Variants in PPA2 observed in about 807,000 individuals in gnomAD.
PPA2 encodes the protein inorganic pyrophosphatase 2.
PPA2 carries 48 observed loss-of-function variants against 49.5 expected under a neutral mutation model. The observed-to-expected ratio is 0.97, with a 90% CI of 0.77 to 1.23. The LOEUF is 1.23. PPA2 is among the 50% of genes most tolerant of loss of function. The probability of loss-of-function intolerance (pLI) is 0.00; values close to 1 mark genes in which losing one functional copy is unlikely to be tolerated. For missense variants in PPA2, 429 were observed against 410.1 expected (o/e 1.05, Z -0.40); for synonymous variants, 131 against 139.9 (o/e 0.94, Z 0.45).
At chr4:105,410,423 C>T (rs1339569866) in intron 7 of PPA2, among the ~76,000 whole-genome samples, 3 of 152,020 alleles carry the variant, frequency 2.0e-5, no homozygotes, top group African/African-American at 7.2e-5. Context: ...GTGAAAAGAC[C>T]AAATCTACGT....
chr4:105,456,678 T>C lies in PPA2; in HGVS notation c.222+3A>G. The stretch of plus-strand genomic sequence containing the variant: ...TCATTCCCAAAACAAGTCAAAACAA[T>C]ACCTCTTTAGAGTTCACCTTCAGAG... On this transcript the variant is annotated splice_donor_region_variant and intron_variant, in intron 2 of 11. Transcript: ENST00000341695. The C allele has an allele frequency of 6.3e-7, 1 of 1,593,998 alleles. No individual in the cohort carries two copies. Among genetic ancestry groups the C allele is most frequent in the Admixed American group, 1.7e-5 (1 of 57,836 alleles).
intron 10 of PPA2, among the ~76,000 whole-genome samples, chr4:105,374,982 G>C (rs989642521): frequency 6.6e-6 from 1 of 151,318 alleles, no homozygotes; most frequent in African/African-American, 2.4e-5. Context: ...GTGAGCCACT[G>C]TGCCCAGCCG....
chr4:105,458,415 C>T (rs1010128490), intron 1 of PPA2, among the ~76,000 whole-genome samples: 2 of 152,172 alleles, frequency 1.3e-5, no homozygotes, highest in South Asian at 2.1e-4. Context: ...AACTGGGGTG[C>T]GGAGTATGCT....
chr4:105,371,637 T>A (rs1359530984), intron 10 of PPA2, among the ~76,000 whole-genome samples: 1 of 152,184 alleles, frequency 6.6e-6, no homozygotes, highest in Admixed American at 6.5e-5. Context: ...ATTCTCTGAA[T>A]TTGCTGACCT....
chr4:105,371,967 A>G (rs917477441), intron 10 of PPA2, among the ~76,000 whole-genome samples: 3 of 152,146 alleles, frequency 2.0e-5, no homozygotes, highest in Non-Finnish European at 2.9e-5. Flanking sequence ...GCACATGGGT[A>G]ATAATTTAGT....
chr4:105,439,233 A>T (rs1158352257), intron 5 of PPA2, among the ~76,000 whole-genome samples: 1 of 152,208 alleles, frequency 6.6e-6, no homozygotes, highest in Non-Finnish European at 1.5e-5. Flanking sequence ...AAGTAAATTG[A>T]AACACAGAGT....
intron 9 of PPA2, among the ~76,000 whole-genome samples, chr4:105,392,440 A>T (rs1733962587): frequency 6.6e-6 from 1 of 152,138 alleles, no homozygotes; most frequent in Admixed American, 6.5e-5. Flanking sequence ...TGGGAGGCTG[A>T]GGTGCGTGGA....
chr4:105,382,427 T>G (rs2110369901), intron 10 of PPA2, among the ~76,000 whole-genome samples: 1 of 152,298 alleles, frequency 6.6e-6, no homozygotes. Context: ...AATATTTAAC[T>G]AAAGGGTCCT....
At chr4:105,385,176 C>T (rs571172475) in intron 10 of PPA2, among the ~76,000 whole-genome samples, 21 of 152,154 alleles carry the variant, frequency 1.4e-4, no homozygotes, top group Non-Finnish European at 2.8e-4. Flanking sequence ...AACTCCCATC[C>T]CACTTCTGGC....
intron 5 of PPA2, among the ~76,000 whole-genome samples, chr4:105,443,607 AC>A (rs1226291485): frequency 1.0e-5 from 1 of 96,068 alleles, no homozygotes; most frequent in African/African-American, 3.2e-5. Flanking sequence ...ACACACACAC[AC>A]ACACACACAC....
chr4:105,467,143 G>C lies in PPA2; in HGVS notation c.157+6751C>G, dbSNP rs1723337455. ...GCCTGTCATTCCTGGTGTGTGTTGA[G>C]GGAGGGGAGCCCTCTTCTGCCCTGC... On this transcript the variant is annotated intron_variant, in intron 1 of 11. Coordinates refer to ENST00000341695, the MANE Select transcript of PPA2 (RefSeq NM_176869.3). Among the ~76,000 whole-genome samples, 3 of 152,118 alleles carry C rather than the reference G, an allele frequency of 2.0e-5. No individual in the cohort carries two copies. The South Asian group carries it at 6.2e-4, about 31-fold the overall frequency.
intron 7 of PPA2, among the ~76,000 whole-genome samples, chr4:105,403,289 C>T (rs1347668184): frequency 6.6e-6 from 1 of 152,128 alleles, no homozygotes; most frequent in Non-Finnish European, 1.5e-5. Context: ...CAGTGTTCCT[C>T]CTGCCTTGGC....
intron 1 of PPA2, among the ~76,000 whole-genome samples, chr4:105,462,844 G>A (rs942920749): frequency 2.0e-5 from 3 of 152,114 alleles, no homozygotes; most frequent in Admixed American, 6.5e-5. Context: ...ACAAGCTCTC[G>A]TCTGCCACCA....
At chr4:105,384,240 T>G (rs1446532702) in intron 10 of PPA2, among the ~76,000 whole-genome samples, 1 of 152,220 alleles carries the variant, frequency 6.6e-6, no homozygotes, top group African/African-American at 2.4e-5. Flanking sequence ...TTCTCTAATT[T>G]GTGAATTTCT....
At chr4:105,418,854 G>T (rs1723124814) in intron 7 of PPA2, among the ~76,000 whole-genome samples, 1 of 152,142 alleles carries the variant, frequency 6.6e-6, no homozygotes, top group African/African-American at 2.4e-5. Context: ...TTCTGAAGAG[G>T]CACAAACATC....
intron 9 of PPA2, among the ~76,000 whole-genome samples, chr4:105,393,506 TAA>T (rs1734010313): frequency 6.9e-6 from 1 of 145,610 alleles, no homozygotes; most frequent in Non-Finnish European, 1.5e-5. Context: ...ATAATAATAA[TAA>T]TAATAATAAT....
At chr4:105,472,423 ATATT>A (rs1422191812) in intron 1 of PPA2, among the ~76,000 whole-genome samples, 3 of 152,204 alleles carry the variant, frequency 2.0e-5, no homozygotes, top group African/African-American at 7.2e-5. Context: ...CACTTCATAA[ATATT>A]TATTATTTGG....
intron 1 of PPA2, among the ~76,000 whole-genome samples, chr4:105,465,186 A>G (rs973113760): frequency 6.6e-6 from 1 of 152,140 alleles, no homozygotes; most frequent in African/African-American, 2.4e-5. Flanking sequence ...TAATTCTTAC[A>G]CTCAGGTGTG....
In PPA2 at chr4:105,474,045, G is replaced by A. The variant is rs58033964; in HGVS notation, c.6C>T (p.Ser2=). 464 of 1,584,774 alleles carry A rather than the reference G, an allele frequency of 2.9e-4. 4 individuals carry two copies. The East Asian group carries it at 9.5e-3, about 32-fold the overall frequency. Residue 2 remains serine, a synonymous_variant, in exon 1 of 12, where the codon AGC becomes AGT. Coordinates refer to ENST00000341695, the MANE Select transcript of PPA2 (RefSeq NM_176869.3). ...CCGTGCGCAGCAGCCGCAGCAGCGC[G>A]CTCATGGCGTCAATGACGGTCCTGC... The part of the protein sequence containing the change: M[S]ALLRLLRTGA...
Sources: gnomAD v4.1 joint callset for allele counts (sites outside exome capture counted in the v4.1 genomes callset) on GRCh38, gnomAD v4.1.1 for gene constraint, MANE v1.5 for transcripts, NCBI Gene and HGNC (gene_info 2026-07-23, HGNC 2026-07-21) for gene names.